Variants in NRSN1 observed in about 807,000 individuals in gnomAD.
NRSN1 encodes the protein neurensin-1.
In NRSN1, 14 loss-of-function variants were observed where a neutral mutation model predicts 17.3. The observed-to-expected ratio is 0.81, with a 90% CI of 0.54 to 1.27. The LOEUF is 1.27. Ranked by LOEUF, NRSN1 falls within the 50% of genes most tolerant of loss-of-function variation. NRSN1 has a pLI of 0.00. For synonymous variants in NRSN1, 79 were observed against 94.2 expected (o/e 0.84, Z 0.93); for missense variants, 209 against 235.9 (o/e 0.89, Z 0.75).
intron 3 of NRSN1, chr6:24,140,884 A>T: frequency 7.7e-7 from 1 of 1,294,204 alleles, no homozygotes; most frequent in Non-Finnish European, 9.9e-7. Context: ...TCTGGCATAT[A>T]AATAAGTTCT....
In NRSN1 at chr6:24,139,420, A is replaced by G. The variant is rs535049169; in HGVS notation, c.189+4904A>G. Among the ~76,000 whole-genome samples the G allele has an allele frequency of 2.0e-5, 3 of 152,364 alleles. No homozygotes were observed. In the East Asian group the frequency reaches 5.8e-4, roughly 29 times the overall value. Reference sequence around the variant, plus strand: ...GTGGCTGCAGTGGACGAGACAGAAAAGATTCAAGAGATTTTTATGAGATAG... The same window carrying G: ...GTGGCTGCAGTGGACGAGACAGAAAGGATTCAAGAGATTTTTATGAGATAG... On this transcript the variant is annotated intron_variant, in intron 3 of 3. Coordinates refer to ENST00000378491, the MANE Select transcript of NRSN1 (RefSeq NM_080723.5).
chr6:24,128,347 T>TA (rs1759981551), intron 2 of NRSN1, 147 bp downstream of exon 2: 1 of 152,206 alleles, frequency 6.6e-6, no homozygotes, highest in Non-Finnish European at 1.5e-5. Flanking sequence ...CTTGAAGAAT[T>TA]AAAGTAAATG....
In NRSN1 at chr6:24,145,889, A is replaced by G. The variant is rs1433574599; in HGVS notation, c.531A>G (p.Thr177=). The change falls in exon 4 of 4, where the codon ACA becomes ACG. Residue 177 remains threonine (T), a synonymous_variant. Coordinates refer to ENST00000378491, the MANE Select transcript of NRSN1 (RefSeq NM_080723.5). The surrounding 1 kb of genome is among the most constrained non-coding windows in gnomAD (Gnocchi z 4.4). ...PVTKAPGPGE[T]KIPVTLSRVQ... is the part of the protein sequence containing the mutation. ...CAAAAGCTCCAGGGCCAGGGGAAAC[A>G]AAGATTCCAGTCACTTTGTCCAGGG... 1.9e-6 allele frequency: 3 copies of G among 1,613,902 alleles called. No homozygotes were observed. The highest frequency in any genetic ancestry group is 2.5e-6 in the Non-Finnish European group (3 of 1,180,004).
At chr6:24,141,402 T>C (rs536333604) in intron 3 of NRSN1, 2 of 375,180 alleles carry the variant, frequency 5.3e-6, no homozygotes, top group East Asian at 5.7e-5. Context: ...TGAGACTCCT[T>C]CGTACCTATC....
In NRSN1 at chr6:24,147,390, A is replaced by G. The variant is rs538922177; in HGVS notation, c.*1444A>G. 6.7e-6 allele frequency: 1 copy of G among 149,792 alleles called. No homozygotes were observed. Among genetic ancestry groups the G allele is most frequent in the Non-Finnish European group, 1.5e-5 (1 of 67,520 alleles). The allele number at this position is 149,792 out of a possible 1,614,324, so 9.3% of individuals were successfully genotyped here. A position where few individuals can be genotyped will look rare whatever the true frequency, so the allele number is the denominator to read the frequency against. ...TCTTCCTTCACTGGATAAATAAAATATGTGAACAAGTGGAACCTGAATTGC... is the reference window on the plus strand; with the variant it reads ...TCTTCCTTCACTGGATAAATAAAATGTGTGAACAAGTGGAACCTGAATTGC... On this transcript the variant is annotated 3_prime_UTR_variant, in exon 4 of 4. Transcript: ENST00000378491.
At chr6:24,141,570 C>G (rs1372716140) in intron 3 of NRSN1, 1 of 153,618 alleles carries the variant, frequency 6.5e-6, no homozygotes, top group Non-Finnish European at 1.4e-5. Context: ...GGGCGAGCCT[C>G]TCTCTGATTC....
intron 2 of NRSN1, among the ~76,000 whole-genome samples, chr6:24,133,466 A>G (rs974549617): frequency 2.0e-5 from 3 of 152,318 alleles, no homozygotes; most frequent in Middle Eastern, 3.4e-3. Flanking sequence ...ATCGGAAGGC[A>G]AAATTTCAAA....
chr6:24,139,501 G>T (rs1012286158), intron 3 of NRSN1, among the ~76,000 whole-genome samples: 1 of 152,214 alleles, frequency 6.6e-6, no homozygotes, highest in Non-Finnish European at 1.5e-5. Flanking sequence ...TTCACGAATG[G>T]GTGGATGGGA....
chr6:24,129,868 A>G (rs568891508), intron 2 of NRSN1, among the ~76,000 whole-genome samples: 1 of 152,344 alleles, frequency 6.6e-6, no homozygotes, highest in East Asian at 1.9e-4. Flanking sequence ...CTCTTCATAG[A>G]TAACCAAACA....
At chr6:24,138,452 T>C (rs939540837) in intron 3 of NRSN1, among the ~76,000 whole-genome samples, 10 of 152,194 alleles carry the variant, frequency 6.6e-5, no homozygotes, top group Non-Finnish European at 1.5e-4. Context: ...GCGTCATATG[T>C]AGGTGTCAAA....
chr6:24,143,110 T>G (rs977184893), intron 3 of NRSN1, among the ~76,000 whole-genome samples: 5 of 152,194 alleles, frequency 3.3e-5, no homozygotes, highest in Non-Finnish European at 4.4e-5. Flanking sequence ...AACCTTTAGC[T>G]AGACACAGAG....
At chr6:24,141,320 C>A in intron 3 of NRSN1, 1 of 1,136,108 alleles carries the variant, frequency 8.8e-7, no homozygotes, top group Non-Finnish European at 1.1e-6. Context: ...TTATCCTTTC[C>A]AGTACTCAGC....
Position 24,134,380 on chromosome 6 carries a change from AG to A in NRSN1, c.56del (p.Gly19ValfsTer55). Reference sequence around the variant, plus strand: ...TCCAGGCAGGCACAGGCTGCAGCTGAGGGTGGTTACCAGCGCTATGGAGTCC... The same window carrying A: ...TCCAGGCAGGCACAGGCTGCAGCTGAGGTGGTTACCAGCGCTATGGAGTCC... ...CGSRQAQAAA[E>X]GGYQRYGVRS... On this transcript the variant is annotated frameshift_variant, in exon 3 of 4. Coordinates refer to ENST00000378491, the MANE Select transcript of NRSN1 (RefSeq NM_080723.5). LOFTEE classifies it high-confidence loss of function. 6.2e-7 allele frequency: 1 copy of A among 1,614,118 alleles called. No individual in the cohort carries two copies. Among genetic ancestry groups the A allele is most frequent in the South Asian group, 1.1e-5 (1 of 91,072 alleles).
intron 2 of NRSN1, among the ~76,000 whole-genome samples, chr6:24,133,558 T>C (rs1438383770): frequency 1.3e-5 from 2 of 152,190 alleles, no homozygotes; most frequent in Non-Finnish European, 2.9e-5. Context: ...AACTCCATCT[T>C]CAGCAAATGA....
At chr6:24,135,693 C>T (rs983797837) in intron 3 of NRSN1, among the ~76,000 whole-genome samples, 4 of 152,156 alleles carry the variant, frequency 2.6e-5, no homozygotes, top group African/African-American at 9.7e-5. Context: ...GTAGTGATCT[C>T]TAGTGACAAT....
chr6:24,141,843 G>T (rs1490400328), intron 3 of NRSN1, among the ~76,000 whole-genome samples: 1 of 152,170 alleles, frequency 6.6e-6, no homozygotes, highest in African/African-American at 2.4e-5. Flanking sequence ...GCTGGAATAA[G>T]AGCTGTGGGG....
Position 24,146,614 on chromosome 6 carries a change from G to A in NRSN1, c.*668G>A, listed in dbSNP as rs145255335. ...CAGCCTTGAACTCCTGGGCTCAAGC[G>A]ATCCTCCCACCTCAGCCTCCCAAGT... is the stretch of plus-strand genomic sequence containing the variant. On this transcript the variant is annotated 3_prime_UTR_variant, in exon 4 of 4. Transcript: ENST00000378491. 51 of 174,048 alleles carry A rather than the reference G, an allele frequency of 2.9e-4. No individual in the cohort carries two copies. The highest frequency in any genetic ancestry group is 2.7e-3 in the Middle Eastern group (1 of 366). 10.8% of individuals were successfully genotyped at this position (174,048 alleles called of 1,614,324 possible). A position where few individuals can be genotyped will look rare whatever the true frequency, so the allele number is the denominator to read the frequency against.
chr6:24,134,628 T>C, intron 3 of NRSN1, 112 bp downstream of exon 3: 1 of 809,116 alleles, frequency 1.2e-6, no homozygotes, highest in Non-Finnish European at 1.9e-6. Context: ...TGCATCACTC[T>C]TGGTGATACT....
intron 3 of NRSN1, among the ~76,000 whole-genome samples, chr6:24,138,337 T>C (rs1480584402): frequency 6.6e-6 from 1 of 152,170 alleles, no homozygotes; most frequent in Non-Finnish European, 1.5e-5. Context: ...CATCACCCAT[T>C]GCTGCTGCCC....
Sources: allele counts gnomAD v4.1 joint callset (sites outside exome capture counted in the v4.1 genomes callset), GRCh38; gene constraint gnomAD v4.1.1; non-coding constraint Gnocchi (gnomAD v3.1); transcripts MANE v1.5; gene names NCBI Gene and HGNC (gene_info 2026-07-23, HGNC 2026-07-21).